Variants in ROBO2 observed in about 807,000 individuals in gnomAD.
The protein encoded by ROBO2 is roundabout guidance receptor 2.
In ROBO2, 53 loss-of-function variants were observed where a neutral mutation model predicts 160.8. The observed-to-expected ratio is 0.33, with a 90% CI of 0.26 to 0.41. The LOEUF (loss-of-function observed/expected upper bound fraction) is 0.41. Ranked by LOEUF, ROBO2 falls within the 10% of genes least tolerant of loss-of-function variation. ROBO2 has a pLI of 1.00. For missense variants in ROBO2, 1,577 were observed against 1,722.4 expected (o/e 0.92, Z 1.49); for synonymous variants, 664 against 611.7 (o/e 1.09, Z -1.26).
chr3:76,055,597 A>G (rs973517853), intron 2 of ROBO2, among the ~76,000 whole-genome samples: 7 of 151,922 alleles, frequency 4.6e-5, no homozygotes, highest in African/African-American at 1.5e-4. Context: ...GAAATATTTG[A>G]TTTCCTGCTT....
intron 2 of ROBO2, among the ~76,000 whole-genome samples, chr3:76,200,527 C>A (rs1201800756): frequency 6.6e-6 from 1 of 152,024 alleles, no homozygotes; most frequent in Admixed American, 6.6e-5. Flanking sequence ...TGGTACCTTG[C>A]ACCAAATTTG....
chr3:76,579,851 T>TA (rs1242569267), intron 2 of ROBO2, among the ~76,000 whole-genome samples: 10 of 145,252 alleles, frequency 6.9e-5, no homozygotes, highest in Admixed American at 1.4e-4. Flanking sequence ...AGATAGAAAA[T>TA]ACCACCTGCC....
chr3:77,298,600 T>C (rs1482178760), intron 2 of ROBO2, among the ~76,000 whole-genome samples: 1 of 152,186 alleles, frequency 6.6e-6, no homozygotes, highest in Non-Finnish European at 1.5e-5. Context: ...AAGGGTTATT[T>C]GTTGCTGGGA....
At chr3:76,760,711 G>A (rs1351562817) in intron 2 of ROBO2, among the ~76,000 whole-genome samples, 1 of 45,826 alleles carries the variant, frequency 2.2e-5, no homozygotes, top group African/African-American at 8.6e-5. Context: ...TTACCTCTGA[G>A]TCGGTAAGTT....
intron 2 of ROBO2, among the ~76,000 whole-genome samples, chr3:76,680,787 T>C (rs2092540810): frequency 6.6e-6 from 1 of 152,126 alleles, no homozygotes; most frequent in Non-Finnish European, 1.5e-5. Context: ...TTTTATTTTA[T>C]ATTTTTGAGA....
At chr3:76,288,613 G>A (rs952494968) in intron 2 of ROBO2, among the ~76,000 whole-genome samples, 2 of 152,024 alleles carry the variant, frequency 1.3e-5, no homozygotes, top group African/African-American at 4.8e-5. Flanking sequence ...CACAGCACCT[G>A]AGAGTTTTCA....
chr3:76,351,234 G>C (rs572966938), intron 2 of ROBO2, among the ~76,000 whole-genome samples: 2 of 151,886 alleles, frequency 1.3e-5, no homozygotes, highest in South Asian at 4.1e-4. Flanking sequence ...ACATCCCTAA[G>C]TCATATGAAA....
In ROBO2 at chr3:76,979,951, T is replaced by TA. The variant is rs199788324; in HGVS notation, c.110-118049dup. Reference sequence around the variant, plus strand: ...CCAAAACCTGATATAGAGACTTGGTTAAAAAAAAAAAAAATGTCTTTGCTG... The same window carrying TA: ...CCAAAACCTGATATAGAGACTTGGTTAAAAAAAAAAAAAAATGTCTTTGCTG... On this transcript the variant is annotated intron_variant, in intron 2 of 26. Coordinates refer to the ROBO2 transcript ENST00000487694. Among the ~76,000 whole-genome samples the TA allele has an allele frequency of 8.0e-3, 1,146 of 142,978 alleles. 13 individuals are homozygous for TA. Among genetic ancestry groups the TA allele is most frequent in the African/African-American group, 0.022 (854 of 39,280 alleles). 93.8% of individuals were successfully genotyped at this position (142,978 alleles called of 152,430 possible).
At chr3:76,729,577 A>T (rs1051711783) in intron 2 of ROBO2, among the ~76,000 whole-genome samples, 2 of 151,458 alleles carry the variant, frequency 1.3e-5, no homozygotes, top group South Asian at 2.1e-4. Flanking sequence ...ATATTTAAAC[A>T]TTCTGAATAT....
intron 2 of ROBO2, among the ~76,000 whole-genome samples, chr3:76,179,675 A>G (rs1454691769): frequency 6.6e-6 from 1 of 152,054 alleles, no homozygotes; most frequent in African/African-American, 2.4e-5. Flanking sequence ...AGGTGATACT[A>G]CAGTCTTATT....
chr3:77,579,903 C>A (rs184047299), intron 15 of ROBO2, 44 bp from the exon 17 acceptor site: 5 of 1,545,656 alleles, frequency 3.2e-6, no homozygotes, highest in Non-Finnish European at 4.5e-6. Flanking sequence ...TTACCAGAAA[C>A]GATAATCTTA....
intron 17 of ROBO2, among the ~76,000 whole-genome samples, chr3:77,590,002 A>G (rs1461621539): frequency 1.3e-5 from 2 of 152,110 alleles, no homozygotes; most frequent in Non-Finnish European, 2.9e-5. Flanking sequence ...AGCTTTTACG[A>G]TGCTGTGGCT....
chr3:77,421,422 T>G (rs2077704402), intron 2 of ROBO2, among the ~76,000 whole-genome samples: 1 of 152,166 alleles, frequency 6.6e-6, no homozygotes, highest in African/African-American at 2.4e-5. Context: ...TTGTCAATAT[T>G]GGTTAACAGA....
intron 2 of ROBO2, among the ~76,000 whole-genome samples, chr3:76,410,802 T>C (rs2075447881): frequency 6.6e-6 from 1 of 152,196 alleles, no homozygotes; most frequent in African/African-American, 2.4e-5. Context: ...TATAGCAATC[T>C]TCACTCTGTA....
chr3:77,638,514 C>CCT (rs766051933), intron 24 of ROBO2, among the ~76,000 whole-genome samples: 21 of 152,110 alleles, frequency 1.4e-4, no homozygotes, highest in Non-Finnish European at 2.5e-4. Context: ...AAACTAACTA[C>CCT]TGGGGTGAGA....
intron 2 of ROBO2, among the ~76,000 whole-genome samples, chr3:77,419,185 G>C (rs568796780): frequency 6.6e-6 from 1 of 152,152 alleles, no homozygotes; most frequent in South Asian, 2.1e-4. Flanking sequence ...TCTGGTTTAA[G>C]TAATGTCCTA....
chr3:75,978,538 C>CA (rs2065190694), intron 2 of ROBO2, among the ~76,000 whole-genome samples: 1 of 151,188 alleles, frequency 6.6e-6, no homozygotes, highest in African/African-American at 2.4e-5. Flanking sequence ...TGAAGTGAGA[C>CA]AAAAAATAAA....
At chr3:77,220,794 C>A (rs760299029) in intron 2 of ROBO2, among the ~76,000 whole-genome samples, 5 of 151,936 alleles carry the variant, frequency 3.3e-5, no homozygotes, top group African/African-American at 4.8e-5. Flanking sequence ...ACTTTCAGTC[C>A]TACGCAGCAA....
chr3:76,265,350 A>G (rs755051037), intron 2 of ROBO2, among the ~76,000 whole-genome samples: 2 of 152,188 alleles, frequency 1.3e-5, no homozygotes, highest in African/African-American at 2.4e-5. Flanking sequence ...TTGTGATAAT[A>G]TATTTGTTTC....
Sources: allele counts gnomAD v4.1 joint callset (sites outside exome capture counted in the v4.1 genomes callset), GRCh38; gene constraint gnomAD v4.1.1; transcripts MANE v1.5; gene names NCBI Gene and HGNC (gene_info 2026-07-23, HGNC 2026-07-21).